Variants in MYO3A observed in about 807,000 individuals in gnomAD.
The protein encoded by MYO3A is myosin IIIA.
MYO3A carries 180 observed loss-of-function variants against 192.7 expected under a neutral mutation model. That is an observed-to-expected ratio of 0.93 (90% CI 0.83 to 1.06). MYO3A has a LOEUF of 1.06. Among genes scored for constraint, MYO3A ranks in the 50% least tolerant of loss-of-function variants. MYO3A has a pLI of 0.00. For synonymous variants in MYO3A, 628 were observed against 645.3 expected (o/e 0.97, Z 0.41); for missense variants, 1,896 against 1,905.0 (o/e 1.00, Z 0.09).
Position 26,212,051 on chromosome 10 carries a change from G to C in MYO3A, c.*88G>C. 1 of 1,523,646 alleles carries C rather than the reference G, an allele frequency of 6.6e-7. No homozygotes were observed. Among genetic ancestry groups the C allele is most frequent in the Non-Finnish European group, 8.8e-7 (1 of 1,130,006 alleles). The allele number at this position is 1,523,646 out of a possible 1,614,324, so 94.4% of individuals were successfully genotyped here. A position where few individuals can be genotyped will look rare whatever the true frequency, so the allele number is the denominator to read the frequency against. On this transcript the variant is annotated 3_prime_UTR_variant, in exon 35 of 35. Coordinates refer to ENST00000642920, the MANE Select transcript of MYO3A (RefSeq NM_017433.5). ...AGCAGGCACTCTGGGGCTGGCACCA[G>C]CAGGCACTGAAGCTGCGGCCCTGAT...
chr10:26,203,474 T>A (rs1281433968), intron 34 of MYO3A, among the ~76,000 whole-genome samples: 2 of 152,232 alleles, frequency 1.3e-5, no homozygotes, highest in Non-Finnish European at 2.9e-5. Flanking sequence ...TTTTAATTAC[T>A]CATTGGTTTC....
intron 20 of MYO3A, among the ~76,000 whole-genome samples, chr10:26,129,418 C>T (rs968470104): frequency 3.3e-5 from 5 of 152,188 alleles, no homozygotes; most frequent in Non-Finnish European, 7.3e-5. Context: ...TCCCTCTCTT[C>T]CTCTTCTTGT....
chr10:26,163,323 A>G (rs999457246), intron 26 of MYO3A, among the ~76,000 whole-genome samples: 8 of 152,210 alleles, frequency 5.3e-5, no homozygotes, highest in African/African-American at 1.7e-4. Context: ...ACATCCATAG[A>G]GACTTTTCGA....
chr10:26,092,856 T>C (rs1245044817), intron 15 of MYO3A, among the ~76,000 whole-genome samples: 1 of 152,224 alleles, frequency 6.6e-6, no homozygotes, highest in African/African-American at 2.4e-5. Flanking sequence ...TAGTGCTCTG[T>C]GTTCTTAAGC....
chr10:26,154,636 A>G (rs1840996950), intron 24 of MYO3A, 110 bp from the exon 25 acceptor site: 8 of 932,048 alleles, frequency 8.6e-6, no homozygotes, highest in Non-Finnish European at 1.2e-5. Context: ...GCTGTTTTAC[A>G]TATTTGAATG....
intron 10 of MYO3A, among the ~76,000 whole-genome samples, chr10:26,059,244 A>G (rs7915315): frequency 0.47 from 71,864 of 151,984 alleles, 17,834 homozygotes; most frequent in Middle Eastern, 0.59. Context: ...GTGTAGAGAG[A>G]GAACATCCTT....
intron 29 of MYO3A, among the ~76,000 whole-genome samples, chr10:26,171,848 A>G (rs1464248851): frequency 6.6e-6 from 1 of 152,320 alleles, no homozygotes; most frequent in South Asian, 2.1e-4. Flanking sequence ...CTGCTTGTAG[A>G]TATCACATCT....
chr10:26,013,349 T>A (rs1841792487), intron 6 of MYO3A, among the ~76,000 whole-genome samples: 1 of 151,562 alleles, frequency 6.6e-6, no homozygotes, highest in Non-Finnish European at 1.5e-5. Context: ...AACCAAAGAA[T>A]GGGAGACAAT....
At chr10:26,052,409 T>C (rs964350865) in intron 10 of MYO3A, among the ~76,000 whole-genome samples, 17 of 152,192 alleles carry the variant, frequency 1.1e-4, no homozygotes, top group South Asian at 2.1e-4. Flanking sequence ...ACTCCAGGTA[T>C]TGAGCGTTGA....
At chr10:26,085,157 C>T (rs2090797) in intron 14 of MYO3A, among the ~76,000 whole-genome samples, 44,316 of 151,628 alleles carry the variant, frequency 0.29, 6,973 homozygotes, top group South Asian at 0.43. Flanking sequence ...CTCTTATTTT[C>T]TTAGACTAGT....
intron 4 of MYO3A, among the ~76,000 whole-genome samples, chr10:25,988,977 C>T (rs1839839824): frequency 8.4e-6 from 1 of 118,738 alleles, no homozygotes; most frequent in African/African-American, 3.0e-5. Context: ...TTTTTAGAGA[C>T]AGCGTCTCGC....
intron 23 of MYO3A, among the ~76,000 whole-genome samples, chr10:26,151,112 A>G (rs1212971740): frequency 6.6e-6 from 1 of 152,014 alleles, no homozygotes; most frequent in Non-Finnish European, 1.5e-5. Context: ...GTCTTATTTT[A>G]TTTTCATTTG....
chr10:26,202,847 A>G (rs1385331713), intron 33 of MYO3A, 117 bp from the exon 34 acceptor site: 9 of 1,137,222 alleles, frequency 7.9e-6, no homozygotes, highest in South Asian at 1.4e-5. Context: ...TTCTATTGAC[A>G]TGTGTATGTT....
At chr10:25,939,072 C>T (rs192021431) in intron 2 of MYO3A, among the ~76,000 whole-genome samples, 133 of 152,214 alleles carry the variant, frequency 8.7e-4, no homozygotes, top group African/African-American at 3.0e-3. Context: ...CACATGAATG[C>T]AGTCATTTCA....
intron 10 of MYO3A, among the ~76,000 whole-genome samples, chr10:26,054,000 C>T (rs1844167486): frequency 6.6e-6 from 1 of 151,994 alleles, no homozygotes; most frequent in Non-Finnish European, 1.5e-5. Context: ...GCCTTTGAGG[C>T]AGGAGTGAGC....
intron 14 of MYO3A, among the ~76,000 whole-genome samples, chr10:26,071,364 C>A (rs1243954025): frequency 1.3e-5 from 2 of 152,070 alleles, no homozygotes; most frequent in African/African-American, 4.8e-5. Context: ...TCTATACTCA[C>A]ATGTTATACA....
At chr10:26,054,614 A>T (rs1343049858) in intron 10 of MYO3A, among the ~76,000 whole-genome samples, 1 of 152,202 alleles carries the variant, frequency 6.6e-6, no homozygotes, top group Non-Finnish European at 1.5e-5. Context: ...GGATCTGGAG[A>T]AGGGGAAATT....
At position 25,997,224 on chromosome 10, in the gene MYO3A, G is replaced by A. The variant is rs775790795; in HGVS notation, c.474G>A (p.Leu158=). Residue 158 remains leucine (L), a synonymous_variant, in exon 6 of 35, where the codon TTG becomes TTA. Coordinates refer to ENST00000642920, the MANE Select transcript of MYO3A (RefSeq NM_017433.5). ...HRDVKGNNIL[L]TTEGGVKLVD... ...ATGTGAAAGGCAATAACATTCTATT[G>A]ACCACGGAAGGTGGAGTGAAACTAG... 6.2e-7 allele frequency: 1 copy of A among 1,613,416 alleles called. No individual in the cohort carries two copies. Among genetic ancestry groups the A allele is most frequent in the South Asian group, 1.1e-5 (1 of 91,026 alleles).
intron 31 of MYO3A, among the ~76,000 whole-genome samples, chr10:26,191,734 G>A (rs1371322775): frequency 1.3e-5 from 2 of 152,112 alleles, no homozygotes; most frequent in Non-Finnish European, 2.9e-5. Flanking sequence ...GGAACTAGAA[G>A]GTTAGACGTC....
Sources: allele counts gnomAD v4.1 joint callset (sites outside exome capture counted in the v4.1 genomes callset), GRCh38; gene constraint gnomAD v4.1.1; transcripts MANE v1.5; gene names NCBI Gene and HGNC (gene_info 2026-07-23, HGNC 2026-07-21).